Variants in MYH14 observed in about 807,000 individuals in gnomAD.
MYH14 encodes myosin heavy chain 14, also known as myosin-14.
In MYH14, 123 loss-of-function variants were observed where a neutral mutation model predicts 255.5. The observed-to-expected ratio is 0.48, with a 90% confidence interval of 0.42 to 0.56. The LOEUF (loss-of-function observed/expected upper bound fraction) is 0.56. Among genes scored for constraint, MYH14 ranks in the 20% least tolerant of loss-of-function variants. MYH14 has a pLI of 0.00. For synonymous variants in MYH14, 1,095 were observed against 1,161.2 expected, an observed-to-expected ratio of 0.94 and a Z score of 1.16; for missense variants, 2,423 against 2,802.3, an observed-to-expected ratio of 0.86 and a Z score of 3.06.
At chr19:50,220,624 T>C (rs1047834586) in intron 3 of MYH14, among the ~76,000 whole-genome samples, 8 of 152,006 alleles carry the variant, frequency 5.3e-5, no homozygotes, top group Non-Finnish European at 1.2e-4. Context: ...GGCATGACCT[T>C]AGCTCGCTGC....
intron 10 of MYH14, among the ~76,000 whole-genome samples, chr19:50,233,129 C>A (rs2033487499): frequency 6.6e-6 from 1 of 152,004 alleles, no homozygotes; most frequent in Non-Finnish European, 1.5e-5. Context: ...GTGTTAAATG[C>A]TCAGCTCATC....
intron 22 of MYH14, among the ~76,000 whole-genome samples, chr19:50,265,894 A>G (rs1434747862): frequency 2.6e-5 from 4 of 152,198 alleles, no homozygotes; most frequent in Admixed American, 1.3e-4. Flanking sequence ...AAAATCTCAA[A>G]TATTTCCTGC....
At position 50,286,509 on chromosome 19, in the gene MYH14, C is replaced by G; in HGVS notation, c.4567C>G (p.Leu1523Val). The stretch of plus-strand genomic sequence containing the variant: ...TCTGGCAGAGGAGAAGGCAGCTGTA[C>G]TTCGGGCAGTGGAGGAACGTGAGCG... ...QLLAEEKAAV[L>V]RAVEERERAE... Residue 1523 changes from leucine to valine, a missense_variant, in exon 34 of 43, where the codon CTT (leucine) becomes GTT (valine). Transcript: ENST00000642316. 3.1e-6 allele frequency: 5 copies of G among 1,613,562 alleles called. No individual in the cohort carries two copies. Among genetic ancestry groups the G allele is most frequent in the Non-Finnish European group, 4.2e-6 (5 of 1,179,724 alleles).
chr19:50,309,568 C>T, intron 42 of MYH14, 72 bp from the exon 43 acceptor site: 2 of 965,546 alleles, frequency 2.1e-6, no homozygotes, highest in Non-Finnish European at 3.2e-6. Context: ...TCATCTCTCT[C>T]TCTCCTCCCC....
chr19:50,247,433 G>A (rs2034173745), intron 12 of MYH14, among the ~76,000 whole-genome samples: 1 of 151,866 alleles, frequency 6.6e-6, no homozygotes, highest in South Asian at 2.1e-4. Flanking sequence ...GAGCCCGGGA[G>A]TTTGAGGCTG....
intron 33 of MYH14, chr19:50,285,061 T>A (rs572451841): frequency 1.3e-5 from 2 of 152,000 alleles, no homozygotes; most frequent in South Asian, 4.2e-4. Context: ...CACACCTGGC[T>A]AATTTTTGTA....
intron 2 of MYH14, among the ~76,000 whole-genome samples, chr19:50,213,679 C>A (rs2032319118): frequency 6.6e-6 from 1 of 152,178 alleles, no homozygotes; most frequent in Non-Finnish European, 1.5e-5. Flanking sequence ...ATCTTATTGA[C>A]CCCCTCCCCA....
intron 1 of MYH14, among the ~76,000 whole-genome samples, chr19:50,210,096 C>CAAAAAAAAAAAAAA (rs71180680): frequency 1.7e-5 from 1 of 59,630 alleles, no homozygotes; most frequent in African/African-American, 6.0e-5. Context: ...GACTCCGTCT[C>CAAAAAAAAAAAAAA]AAAAAAAAAA....
chr19:50,249,254 G>C, intron 13 of MYH14, 115 bp downstream of exon 13: 1 of 1,230,194 alleles, frequency 8.1e-7, no homozygotes, highest in Non-Finnish European at 1.1e-6. Flanking sequence ...CTCTCTCTGA[G>C]TCTCTGTTCC....
chr19:50,259,287 G>T, intron 19 of MYH14, 22 bp downstream of exon 19: 1 of 1,555,962 alleles, frequency 6.4e-7, no homozygotes, highest in Middle Eastern at 1.9e-4. Context: ...CGAGGGCCCA[G>T]GCCCGGCGGA....
In MYH14 at chr19:50,276,835, G is replaced by A. The variant is rs1445557269; in HGVS notation, c.3759G>A (p.Gln1253=). The A allele has an allele frequency of 6.2e-7, 1 of 1,612,914 alleles. No homozygotes were observed. The highest frequency in any genetic ancestry group is 1.9e-4 in the Middle Eastern group (1 of 5,254). ...CTCGCATCCACGAGGCGGCAGTGCA[G>A]GAGCTGAGGCAGCGCCACGGCCAGG... ...EETRIHEAAV[Q]ELRQRHGQAL... Residue 1253 remains glutamine, a synonymous_variant, in exon 29 of 43, where the codon CAG becomes CAA. Coordinates refer to ENST00000642316, the MANE Select transcript of MYH14 (RefSeq NM_001145809.2). The surrounding 1 kb of genome is among the most constrained non-coding windows in gnomAD (Gnocchi z 4.3).
At chr19:50,227,066 G>A (rs993799625) in intron 8 of MYH14, 100 bp downstream of exon 8, 1 of 947,008 alleles carries the variant, frequency 1.1e-6, no homozygotes, top group Non-Finnish European at 1.6e-6. Context: ...CCCCTTACCT[G>A]CTACTCAGAT....
At chr19:50,214,100 C>T (rs1423674467) in intron 2 of MYH14, among the ~76,000 whole-genome samples, 1 of 152,216 alleles carries the variant, frequency 6.6e-6, no homozygotes, top group Non-Finnish European at 1.5e-5. Flanking sequence ...GCTGGATTTA[C>T]AGGCTTGAGC....
intron 8 of MYH14, among the ~76,000 whole-genome samples, chr19:50,229,227 A>C (rs1452712073): frequency 6.6e-6 from 1 of 152,190 alleles, no homozygotes; most frequent in Non-Finnish European, 1.5e-5. Context: ...GGCTTCTGGG[A>C]AATGGACCTC....
At chr19:50,245,391 G>C (rs917083495) in intron 11 of MYH14, among the ~76,000 whole-genome samples, 4 of 142,936 alleles carry the variant, frequency 2.8e-5, no homozygotes, top group Admixed American at 2.3e-4. Flanking sequence ...CTGCACTCCA[G>C]CCTGGGCAAC....
chr19:50,264,623 C>G (rs1490057161), intron 22 of MYH14, among the ~76,000 whole-genome samples: 1 of 152,180 alleles, frequency 6.6e-6, no homozygotes, highest in Non-Finnish European at 1.5e-5. Context: ...GCTTGGCTTT[C>G]CTCCGTGATG....
chr19:50,224,420 G>A (rs771839392), intron 6 of MYH14, among the ~76,000 whole-genome samples: 8 of 152,178 alleles, frequency 5.3e-5, no homozygotes, highest in Admixed American at 1.3e-4. Context: ...TACTAAATGT[G>A]TCCAGCCAGG....
intron 26 of MYH14, 79 bp from the exon 27 acceptor site, chr19:50,272,481 G>A: frequency 1.4e-6 from 2 of 1,449,122 alleles, no homozygotes; most frequent in Non-Finnish European, 9.5e-7. Context: ...ATATGTGACT[G>A]GGGACCTGTG....
At chr19:50,235,569 C>G (rs2033622708) in intron 10 of MYH14, among the ~76,000 whole-genome samples, 1 of 151,288 alleles carries the variant, frequency 6.6e-6, no homozygotes, top group African/African-American at 2.4e-5. Context: ...CACTTGAGGC[C>G]AGGAGTTTGA....
Sources: allele counts gnomAD v4.1 joint callset (sites outside exome capture counted in the v4.1 genomes callset), GRCh38; gene constraint gnomAD v4.1.1; non-coding constraint Gnocchi (gnomAD v3.1); transcripts MANE v1.5; gene names NCBI Gene and HGNC (gene_info 2026-07-23, HGNC 2026-07-21).